MAPK10: variants seen among roughly 807,000 people sequenced by gnomAD.
MAPK10 encodes the protein JNK3 alpha protein kinase.
Under a neutral mutation model 59.3 loss-of-function variants are expected in MAPK10, and 25 were observed. The ratio of observed to expected loss-of-function variants is 0.42; its 90% CI spans 0.31 to 0.59. The LOEUF is 0.59. Among genes scored for constraint, MAPK10 ranks in the 20% least tolerant of loss-of-function variants. The probability of loss-of-function intolerance (pLI) is 0.15; values close to 1 mark genes in which losing one functional copy is unlikely to be tolerated. For missense variants in MAPK10, 351 were observed against 568.9 expected (o/e 0.62, Z 3.90); for synonymous variants, 190 against 200.5 (o/e 0.95, Z 0.44).
intron 1 of MAPK10, among the ~76,000 whole-genome samples, chr4:86,481,312 T>C (rs72664002): frequency 1.3e-5 from 2 of 151,886 alleles, no homozygotes; most frequent in Admixed American, 1.3e-4. Context: ...TCAGAGGCCT[T>C]CTAATCTCCT....
At chr4:86,429,454 T>C (rs1383318144) in intron 1 of MAPK10, among the ~76,000 whole-genome samples, 1 of 152,212 alleles carries the variant, frequency 6.6e-6, no homozygotes, top group Non-Finnish European at 1.5e-5. Flanking sequence ...TTCTGTTTAT[T>C]ATTCTGTTAT....
intron 9 of MAPK10, 56 bp from the exon 10 acceptor site, chr4:86,068,011 A>G (rs774786986): frequency 1.9e-5 from 22 of 1,180,040 alleles, no homozygotes; most frequent in Middle Eastern, 2.0e-4. Flanking sequence ...CCTTTCAACA[A>G]TTGGGAGACT....
At chr4:86,321,299 G>A (rs1158180991) in intron 2 of MAPK10, among the ~76,000 whole-genome samples, 22 of 149,698 alleles carry the variant, frequency 1.5e-4, no homozygotes, top group African/African-American at 4.7e-4. Context: ...TGTTTATTGC[G>A]GCACTATTCA....
At chr4:86,456,056 T>A (rs1564898253), upstream of MAPK10, among the ~76,000 whole-genome samples, 1 of 152,150 alleles carries the variant, frequency 6.6e-6, no homozygotes, top group Admixed American at 6.5e-5. Flanking sequence ...TCCTGTATGA[T>A]CATTGGGTCA....
intron 2 of MAPK10, among the ~76,000 whole-genome samples, chr4:86,275,756 T>G (rs2094557876): frequency 6.6e-6 from 1 of 151,996 alleles, no homozygotes; most frequent in South Asian, 2.1e-4. Flanking sequence ...TAAAAATATA[T>G]CCATTTTGAG....
chr4:86,359,286 C>CTG (rs1260423766), intron 1 of MAPK10, among the ~76,000 whole-genome samples: 351 of 118,084 alleles, frequency 3.0e-3, no homozygotes, highest in African/African-American at 0.012. Flanking sequence ...CTCTCTCTCT[C>CTG]TCTGTGTGTG....
chr4:86,321,777 C>T (rs1483437143), intron 2 of MAPK10: 2 of 151,750 alleles, frequency 1.3e-5, no homozygotes, highest in Non-Finnish European at 2.9e-5. Context: ...ACTAAATATC[C>T]TAAATAAATT....
intron 3 of MAPK10, among the ~76,000 whole-genome samples, chr4:86,183,166 T>G (rs1241679927): frequency 2.0e-5 from 3 of 152,072 alleles, no homozygotes; most frequent in African/African-American, 7.2e-5. Context: ...TACTTTAAGT[T>G]TTAGGGTACA....
chr4:86,159,409 C>A lies in MAPK10; in HGVS notation c.125G>T (p.Ser42Ile). ...ACTGTAGAACTGGTTGTCAACTTTG[C>A]TTTTGCTCATGTTGTAATGTTTGGC... ...YIAKHYNMSK[S>I]KVDNQFYSVE... is the part of the protein sequence containing the mutation. The change falls in exon 4 of 14, where the codon AGC (serine) becomes ATC (isoleucine). Residue 42 changes from serine to isoleucine, a missense_variant. This residue lies in a region of MAPK10 where 61 missense variants were observed against 58.4 expected (regional missense o/e 1.05). Transcript: ENST00000641462. 6 of 1,612,540 alleles carry A rather than the reference C, an allele frequency of 3.7e-6. No individual in the cohort carries two copies. Among genetic ancestry groups the A allele is most frequent in the Non-Finnish European group, 5.1e-6 (6 of 1,179,020 alleles).
chr4:86,101,969 A>G lies in MAPK10; in HGVS notation c.489T>C (p.His163=), dbSNP rs758856728. The G allele has an allele frequency of 6.2e-7, 1 of 1,613,996 alleles. No individual in the cohort carries two copies. Among genetic ancestry groups the G allele is most frequent in the East Asian group, 2.2e-5 (1 of 44,868 alleles). The change falls in exon 7 of 14, where the codon CAT becomes CAC. Residue 163 remains histidine, a synonymous_variant. Transcript: ENST00000641462. ...GGTACAGCAGGTAAGACATTCGCTC[A>G]TGGTCTAATTCCATCTGAATCACTT... ...LCQVIQMELD[H]ERMSYLLYQM...
chr4:86,391,177 T>G (rs1742131883), intron 1 of MAPK10, among the ~76,000 whole-genome samples: 1 of 152,236 alleles, frequency 6.6e-6, no homozygotes, highest in Non-Finnish European at 1.5e-5. Context: ...TTTAACAGCT[T>G]CTTCTGTAAG....
intron 4 of MAPK10, among the ~76,000 whole-genome samples, chr4:86,137,055 A>G (rs948232646): frequency 6.6e-6 from 1 of 151,340 alleles, no homozygotes; most frequent in Non-Finnish European, 1.5e-5. Flanking sequence ...GTGACCTACA[A>G]AGAGACTTAG....
chr4:86,432,862 A>G (rs934978919), intron 1 of MAPK10, among the ~76,000 whole-genome samples: 1 of 152,202 alleles, frequency 6.6e-6, no homozygotes, highest in Non-Finnish European at 1.5e-5. Flanking sequence ...ATGGCAAACA[A>G]AGCATAAAGT....
At chr4:86,547,501 G>A (rs1404219794) in intron 1 of MAPK10, among the ~76,000 whole-genome samples, 2 of 152,164 alleles carry the variant, frequency 1.3e-5, no homozygotes, top group Admixed American at 6.5e-5. Flanking sequence ...CGCAGGGCAG[G>A]GCTCAGGACC....
chr4:86,069,473 A>G (rs563305728), intron 9 of MAPK10, among the ~76,000 whole-genome samples: 10 of 152,228 alleles, frequency 6.6e-5, no homozygotes, highest in Admixed American at 5.9e-4. Flanking sequence ...TACAGCAGTA[A>G]TTCAGAATCA....
rs1168123880 is a variant in MAPK10 at position 86,014,324 on chromosome 4, GTGTGTGTGTGTGTGT to G, written c.*2889_*2903del. 1.4e-5 allele frequency: 2 copies of G among 144,070 alleles called. No homozygotes were observed. The highest frequency in any genetic ancestry group is 5.5e-5 in the African/African-American group (2 of 36,294). 8.9% of individuals were successfully genotyped at this position (144,070 alleles called of 1,614,324 possible). Reference sequence around the variant, plus strand: ...TTGGGGTGTGTGTGTGTGTGTGTGTGTGTGTGTGTGTGTGTGTGTGTTAAGACAGACAAGTGAATG... The same window carrying G: ...TTGGGGTGTGTGTGTGTGTGTGTGTGGTGTGTTAAGACAGACAAGTGAATG... On this transcript the variant is annotated 3_prime_UTR_variant, in exon 14 of 14. Transcript: ENST00000641462.
chr4:86,340,567 C>A (rs1275954270), intron 2 of MAPK10: 9 of 152,094 alleles, frequency 5.9e-5, no homozygotes, highest in Admixed American at 2.0e-4. Flanking sequence ...CCCACCATGT[C>A]CCTCCCCTGA....
At chr4:86,174,725 C>G (rs952511056) in intron 3 of MAPK10, among the ~76,000 whole-genome samples, 8 of 152,048 alleles carry the variant, frequency 5.3e-5, no homozygotes, top group Admixed American at 2.6e-4. Context: ...AGAGGACAAC[C>G]CTTGCTCACC....
intron 1 of MAPK10, among the ~76,000 whole-genome samples, chr4:86,548,787 A>C (rs1214873839): frequency 6.6e-6 from 1 of 152,168 alleles, no homozygotes; most frequent in Non-Finnish European, 1.5e-5. Flanking sequence ...TTGAGATTCC[A>C]CTAGACCACA....
Sources: allele counts gnomAD v4.1 joint callset (sites outside exome capture counted in the v4.1 genomes callset), GRCh38; gene constraint gnomAD v4.1.1; regional missense constraint gnomAD v4.1.1; transcripts MANE v1.5; gene names NCBI Gene and HGNC (gene_info 2026-07-23, HGNC 2026-07-21).